PRPSAP1: variants seen among roughly 807,000 people sequenced by gnomAD.
PRPSAP1 encodes phosphoribosyl pyrophosphate synthase-associated protein 1.
Under a neutral mutation model 39.4 loss-of-function variants are expected in PRPSAP1, and 31 were observed. That is an observed-to-expected ratio of 0.79 (90% CI 0.59 to 1.06). The LOEUF is 1.06. Ranked by LOEUF, PRPSAP1 falls within the 50% of genes least tolerant of loss-of-function variation. PRPSAP1 has a pLI of 0.00. For synonymous variants in PRPSAP1, 212 were observed against 192.6 expected, an observed-to-expected ratio of 1.10 and a Z score of -0.83; for missense variants, 430 against 511.6, an observed-to-expected ratio of 0.84 and a Z score of 1.54.
intron 3 of PRPSAP1, among the ~76,000 whole-genome samples, chr17:76,338,886 A>T (rs1049459280): frequency 6.6e-6 from 1 of 151,026 alleles, no homozygotes; most frequent in Non-Finnish European, 1.5e-5. Context: ...ATACAAAATT[A>T]GCCAGGCATG....
rs370347841 is a variant in PRPSAP1 at position 76,343,646 on chromosome 17, C to T, written c.290+1025G>A. Among the ~76,000 whole-genome samples the T allele has an allele frequency of 3.2e-4, 48 of 152,246 alleles. No homozygotes were observed. In the South Asian group the frequency reaches 4.1e-3, roughly 13 times the overall value. ...GGTCAGGAGTTCAAGACCAGCCTGG[C>T]CAACATAGTGAAACCCTGTCTCTAC... On this transcript the variant is annotated intron_variant, in intron 3 of 9. Transcript: ENST00000446526.
intron 9 of PRPSAP1, among the ~76,000 whole-genome samples, chr17:76,312,039 A>C (rs2071075344): frequency 6.6e-6 from 1 of 152,222 alleles, no homozygotes; most frequent in Non-Finnish European, 1.5e-5. Context: ...GTACCCAAGC[A>C]AACCGTTATG....
intron 2 of PRPSAP1, among the ~76,000 whole-genome samples, chr17:76,347,314 C>G (rs978776155): frequency 3.3e-5 from 5 of 151,482 alleles, no homozygotes; most frequent in Non-Finnish European, 4.4e-5. Flanking sequence ...TGGCAAAACC[C>G]CCGTCTCTGC....
chr17:76,324,517 C>G (rs1161394256), intron 7 of PRPSAP1, among the ~76,000 whole-genome samples: 1 of 151,576 alleles, frequency 6.6e-6, no homozygotes, highest in Non-Finnish European at 1.5e-5. Flanking sequence ...AGGAGAATCA[C>G]TTAAATCCAG....
chr17:76,324,352 A>G (rs1034927059), intron 7 of PRPSAP1, among the ~76,000 whole-genome samples: 1 of 151,910 alleles, frequency 6.6e-6, no homozygotes, highest in Non-Finnish European at 1.5e-5. Flanking sequence ...TAATCCCAGC[A>G]CTTTGGGAGG....
At chr17:76,321,549 C>G (rs887313275) in intron 7 of PRPSAP1, among the ~76,000 whole-genome samples, 1 of 151,996 alleles carries the variant, frequency 6.6e-6, no homozygotes, top group African/African-American at 2.4e-5. Context: ...AGACAGCAAA[C>G]TTAGTAAATG....
chr17:76,324,792 T>C (rs1404048104), intron 7 of PRPSAP1, among the ~76,000 whole-genome samples: 1 of 151,560 alleles, frequency 6.6e-6, no homozygotes, highest in Non-Finnish European at 1.5e-5. Flanking sequence ...CAGGGTGCAG[T>C]GGCTCACTCC....
intron 7 of PRPSAP1, among the ~76,000 whole-genome samples, chr17:76,321,420 T>A (rs975823418): frequency 6.6e-6 from 1 of 151,776 alleles, no homozygotes; most frequent in Non-Finnish European, 1.5e-5. Flanking sequence ...CTGGGTGTGG[T>A]GAAGCATGCT....
intron 7 of PRPSAP1, among the ~76,000 whole-genome samples, chr17:76,326,941 AC>A (rs896657412): frequency 2.0e-5 from 3 of 151,838 alleles, no homozygotes; most frequent in East Asian, 1.9e-4. Context: ...AAAAAAAAAA[AC>A]CCCATGTATA....
chr17:76,344,215 C>T (rs2071471054), intron 3 of PRPSAP1, among the ~76,000 whole-genome samples: 1 of 152,176 alleles, frequency 6.6e-6, no homozygotes, highest in African/African-American at 2.4e-5. Flanking sequence ...GCAAGCTCTG[C>T]CTCCTGGGTT....
At chr17:76,341,110 T>G (rs1173157744) in intron 3 of PRPSAP1, among the ~76,000 whole-genome samples, 1 of 152,084 alleles carries the variant, frequency 6.6e-6, no homozygotes, top group Non-Finnish European at 1.5e-5. Flanking sequence ...GCTGCTCATG[T>G]GCCAGAGGAG....
At chr17:76,342,973 G>A (rs1218699910) in intron 3 of PRPSAP1, among the ~76,000 whole-genome samples, 3 of 152,004 alleles carry the variant, frequency 2.0e-5, no homozygotes, top group Non-Finnish European at 2.9e-5. Context: ...CCAGATACTC[G>A]GGAGGCTGAG....
In PRPSAP1 at chr17:76,325,025, C is replaced by A. The variant is rs1468196531; in HGVS notation, c.781+3692G>T. ...GGAGCTTGCAGTGAACTGGGTGAAC[C>A]ACTGCACTCCAGCCTGGACGACAGA... On this transcript the variant is annotated intron_variant, in intron 7 of 9. Coordinates refer to ENST00000446526, the MANE Select transcript of PRPSAP1 (RefSeq NM_002766.3). Among the ~76,000 whole-genome samples, 3 of 146,744 alleles carry A rather than the reference C, an allele frequency of 2.0e-5. No homozygotes were observed. The East Asian group carries it at 6.2e-4, about 30-fold the overall frequency.
intron 7 of PRPSAP1, among the ~76,000 whole-genome samples, chr17:76,316,759 C>G (rs1332099068): frequency 6.6e-6 from 1 of 152,222 alleles, no homozygotes; most frequent in Non-Finnish European, 1.5e-5. Context: ...GTTTCCAATT[C>G]ATCAAACGAT....
At position 76,324,241 on chromosome 17, in the gene PRPSAP1, C is replaced by G. The variant is rs570906588; in HGVS notation, c.781+4476G>C. On this transcript the variant is annotated intron_variant, in intron 7 of 9. Transcript: ENST00000446526. ...TGTGATCATTGGGTGTTCACGCTTACATGTGAGATGTGCCATCCTTGAACC... is the reference window on the plus strand; with the variant it reads ...TGTGATCATTGGGTGTTCACGCTTAGATGTGAGATGTGCCATCCTTGAACC... 2.6e-5 allele frequency among the ~76,000 whole-genome samples: 4 copies of G among 152,020 alleles called. No individual in the cohort carries two copies. The South Asian group carries it at 8.3e-4, about 32-fold the overall frequency.
chr17:76,317,491 C>G (rs1261953905), intron 7 of PRPSAP1, among the ~76,000 whole-genome samples: 1 of 152,168 alleles, frequency 6.6e-6, no homozygotes, highest in African/African-American at 2.4e-5. Context: ...CCACTGCACT[C>G]TAGCCTGGGT....
chr17:76,354,046 C>A (rs1718007344), upstream of PRPSAP1: 1 of 1,094,614 alleles, frequency 9.1e-7, no homozygotes, highest in Non-Finnish European at 1.1e-6. Context: ...GTCACAGGTT[C>A]GCCCCGCCCC....
At chr17:76,313,059 C>G (rs749299660) in intron 8 of PRPSAP1, 43 bp from the exon 9 acceptor site, 1 of 1,595,320 alleles carries the variant, frequency 6.3e-7, no homozygotes, top group Non-Finnish European at 8.5e-7. Flanking sequence ...GAAACACCCT[C>G]TAGCCCATAC....
intron 1 of PRPSAP1, among the ~76,000 whole-genome samples, chr17:76,351,160 G>A (rs1270231075): frequency 6.6e-6 from 1 of 152,174 alleles, no homozygotes; most frequent in Non-Finnish European, 1.5e-5. Flanking sequence ...ATCGTCTGAG[G>A]TCAGGAGTTT....
Sources: gnomAD v4.1 joint callset for allele counts (sites outside exome capture counted in the v4.1 genomes callset) on GRCh38, gnomAD v4.1.1 for gene constraint, MANE v1.5 for transcripts, NCBI Gene and HGNC (gene_info 2026-07-23, HGNC 2026-07-21) for gene names.